ASXL1: variants seen among roughly 807,000 people sequenced by gnomAD.
ASXL1 encodes polycomb group protein ASXL1.
ASXL1 carries 65 observed loss-of-function variants against 89.1 expected under a neutral mutation model. That is an observed-to-expected ratio of 0.73 (90% CI 0.60 to 0.90). The LOEUF (loss-of-function observed/expected upper bound fraction) is 0.90. ASXL1 is among the 40% of genes least tolerant of loss of function. The pLI is 0.00. For synonymous variants in ASXL1, 739 were observed against 746.9 expected (o/e 0.99, Z 0.17); for missense variants, 1,786 against 1,942.9 (o/e 0.92, Z 1.52).
At chr20:32,411,836 C>A (rs898088499) in intron 4 of ASXL1, among the ~76,000 whole-genome samples, 12 of 152,182 alleles carry the variant, frequency 7.9e-5, no homozygotes, top group African/African-American at 2.9e-4. Flanking sequence ...TTATGCCCAG[C>A]CCTACCCATG....
At chr20:32,358,922 C>T in intron 1 of ASXL1, 90 bp downstream of exon 1, 2 of 1,308,278 alleles carry the variant, frequency 1.5e-6, no homozygotes, top group Non-Finnish European at 2.0e-6. Context: ...GGGGCAAGGC[C>T]CTGCCCACCG....
chr20:32,359,031 G>A (rs1350007549), intron 1 of ASXL1, 199 bp downstream of exon 1: 3 of 613,814 alleles, frequency 4.9e-6, no homozygotes, highest in Admixed American at 6.2e-5. Context: ...GCCTTTTTCC[G>A]CTCGCCCTCG....
At chr20:32,408,540 G>T (rs374428571) in intron 4 of ASXL1, among the ~76,000 whole-genome samples, 214 of 152,140 alleles carry the variant, frequency 1.4e-3, no homozygotes, top group African/African-American at 4.9e-3. Flanking sequence ...GACTGCTTTT[G>T]GTTCTTTGCA....
intron 12 of ASXL1, 177 bp downstream of exon 12, chr20:32,434,094 C>T (rs746148206): frequency 5.7e-5 from 54 of 945,952 alleles, no homozygotes; most frequent in Non-Finnish European, 7.6e-5. Context: ...TTTTCTTCCT[C>T]ACTTTTTTGT....
intron 4 of ASXL1, among the ~76,000 whole-genome samples, chr20:32,389,827 C>G (rs2048641454): frequency 6.6e-6 from 1 of 152,212 alleles, no homozygotes; most frequent in Admixed American, 6.5e-5. Flanking sequence ...CTTGGCCTCC[C>G]CAAGTGTTGG....
Position 32,428,190 on chromosome 20 carries a change from G to T in ASXL1, c.315G>T (p.Thr105=). Residue 105 remains threonine, a synonymous_variant, in exon 5 of 13, where the codon ACG becomes ACT. Coordinates refer to ENST00000375687, the MANE Select transcript of ASXL1 (RefSeq NM_015338.6). ...TGGAGGGAGAGGAGCCAGAGGACAC[G>T]GCTGATGTGGAGAGCTGTGGGTCTA... ...ATVEGEEPED[T]ADVESCGSNE... The T allele has an allele frequency of 6.2e-7, 1 of 1,614,132 alleles. No individual in the cohort carries two copies. Among genetic ancestry groups the T allele is most frequent in the Non-Finnish European group, 8.5e-7 (1 of 1,180,026 alleles).
chr20:32,411,215 C>CTTTTTT (rs71187118), intron 4 of ASXL1, among the ~76,000 whole-genome samples: 4 of 53,394 alleles, frequency 7.5e-5, no homozygotes, highest in South Asian at 1.1e-3. Flanking sequence ...TTTATGGATT[C>CTTTTTT]TTTTTTTTTT....
At chr20:32,431,510 C>G in intron 9 of ASXL1, 26 bp downstream of exon 9, 3 of 1,614,074 alleles carry the variant, frequency 1.9e-6, no homozygotes, top group Non-Finnish European at 2.5e-6. Flanking sequence ...CTCCCCTTTG[C>G]CTCTCTCTGG....
At position 32,437,623 on chromosome 20, in the gene ASXL1, G is replaced by C. The variant is rs55805951; in HGVS notation, c.*285G>C. ...GGCACGGAGTGGGGTTGCGGGGGGT[G>C]GGGGGACTGCCTGACTCCCAGAGGG... On this transcript the variant is annotated 3_prime_UTR_variant, in exon 13 of 13. Transcript: ENST00000375687. 6.1e-3 allele frequency: 2,940 copies of C among 484,080 alleles called. 17 individuals are homozygous for C. Among genetic ancestry groups the C allele is most frequent in the Non-Finnish European group, 9.0e-3 (2,430 of 268,914 alleles). The allele number at this position is 484,080 out of a possible 1,614,324, so 30.0% of individuals were successfully genotyped here.
At chr20:32,423,555 TTATTTATG>T (rs1415188115) in intron 4 of ASXL1, among the ~76,000 whole-genome samples, 2 of 151,488 alleles carry the variant, frequency 1.3e-5, no homozygotes, top group Admixed American at 6.6e-5. Context: ...ATTTATTTAT[TTATTTATG>T]TATTTGAGAT....
In ASXL1 at chr20:32,434,745, G is replaced by A; in HGVS notation, c.2033G>A (p.Arg678Lys). ...GAGGCCTGTGGCCACCCTGAGCCCAGGGGAGGCCCGAGCACCCCTGGAAAG... is the reference window on the plus strand; with the variant it reads ...GAGGCCTGTGGCCACCCTGAGCCCAAGGGAGGCCCGAGCACCCCTGGAAAG... ...GGEACGHPEP[R>K]GGPSTPGKCT... The change falls in exon 13 of 13, where the codon AGG (arginine) becomes AAG (lysine). Residue 678 changes from arginine to lysine, a missense_variant. Arg to Lys is a conservative substitution (Grantham distance 26). This residue lies in a region of ASXL1 where 1,418 missense variants were observed against 1,427.8 expected (regional missense o/e 0.99). Coordinates refer to ENST00000375687, the MANE Select transcript of ASXL1 (RefSeq NM_015338.6). 1 of 1,613,174 alleles carries A rather than the reference G, an allele frequency of 6.2e-7. No individual in the cohort carries two copies.
Position 32,427,941 on chromosome 20 carries a change from GTATC to G in ASXL1, c.253-184_253-181del, listed in dbSNP as rs2011376565. 7.7e-6 allele frequency: 6 copies of G among 779,490 alleles called. No individual in the cohort carries two copies. The East Asian group carries it at 1.7e-4, about 23-fold the overall frequency. 48.3% of individuals were successfully genotyped at this position (779,490 alleles called of 1,614,324 possible). A position where few individuals can be genotyped will look rare whatever the true frequency, so the allele number is the denominator to read the frequency against. On this transcript the variant is annotated intron_variant, in intron 4 of 12. Transcript: ENST00000375687. Reference sequence around the variant, plus strand: ...TTAATGAATGTTTGAATGCAAAAGTGTATCTAACTTTCTTAATGATATATTTATG... The same window carrying G: ...TTAATGAATGTTTGAATGCAAAAGTGTAACTTTCTTAATGATATATTTATG...
Position 32,358,746 on chromosome 20 carries a change from G to C in ASXL1, c.-30G>C. On this transcript the variant is annotated 5_prime_UTR_variant, in exon 1 of 13. Transcript: ENST00000375687. ...AGCCCGCCCAGCCCGGAGGTCCCGC[G>C]TGGAGCTGCCGCCGCCGCCGGGGAG... 8.1e-7 allele frequency: 1 copy of C among 1,234,082 alleles called. No individual in the cohort carries two copies. The highest frequency in any genetic ancestry group is 1.1e-6 in the Non-Finnish European group (1 of 917,282). The allele number at this position is 1,234,082 out of a possible 1,614,324, so 76.4% of individuals were successfully genotyped here.
chr20:32,411,878 A>G (rs1298625556), intron 4 of ASXL1, among the ~76,000 whole-genome samples: 1 of 152,108 alleles, frequency 6.6e-6, no homozygotes, highest in Non-Finnish European at 1.5e-5. Flanking sequence ...TTATAATCTT[A>G]CTATCATTTT....
intron 4 of ASXL1, among the ~76,000 whole-genome samples, chr20:32,422,943 A>C (rs1391814537): frequency 6.6e-6 from 1 of 152,084 alleles, no homozygotes; most frequent in Non-Finnish European, 1.5e-5. Context: ...ATTTTTTTAA[A>C]AGCTTCATGA....
intron 3 of ASXL1, among the ~76,000 whole-genome samples, chr20:32,368,081 A>G (rs939280198): frequency 6.6e-6 from 1 of 152,172 alleles, no homozygotes; most frequent in Non-Finnish European, 1.5e-5. Context: ...AACACTGCAT[A>G]AATTAGGGCT....
At chr20:32,364,841 C>G (rs144088433) in intron 1 of ASXL1, among the ~76,000 whole-genome samples, 3 of 152,126 alleles carry the variant, frequency 2.0e-5, no homozygotes, top group African/African-American at 7.2e-5. Flanking sequence ...GCACAAGGTA[C>G]GTGTTCCATG....
At position 32,437,110 on chromosome 20, in the gene ASXL1, C is replaced by G. The variant is rs1265545756; in HGVS notation, c.4398C>G (p.Gly1466=). 1.9e-6 allele frequency: 3 copies of G among 1,614,220 alleles called. No homozygotes were observed. The highest frequency in any genetic ancestry group is 8.5e-7 in the Non-Finnish European group (1 of 1,180,046). The change falls in exon 13 of 13, where the codon GGC becomes GGG. Residue 1466 remains glycine (G), a synonymous_variant. Coordinates refer to ENST00000375687, the MANE Select transcript of ASXL1 (RefSeq NM_015338.6). ...YSSSSPTFPK[G]LAGSVVQLSH... ...CTAGCTCTCCCACCTTTCCCAAAGG[C>G]CTTGCTGGAAGTGTGGTGCAGCTGA... is the stretch of plus-strand genomic sequence containing the variant.
chr20:32,437,398 CT>C lies in ASXL1; in HGVS notation c.*62del. On this transcript the variant is annotated 3_prime_UTR_variant, in exon 13 of 13. Transcript: ENST00000375687. Reference sequence around the variant, plus strand: ...TGTGTGTATTTTGATAATGATTGATCTTAAATCTGTATACAGAATATCATTG... The same window carrying C: ...TGTGTGTATTTTGATAATGATTGATCTAAATCTGTATACAGAATATCATTG... 6.3e-7 allele frequency: 1 copy of C among 1,588,430 alleles called. No homozygotes were observed. The highest frequency in any genetic ancestry group is 8.6e-7 in the Non-Finnish European group (1 of 1,157,376).
Sources: gnomAD v4.1 joint callset for allele counts (sites outside exome capture counted in the v4.1 genomes callset) on GRCh38, gnomAD v4.1.1 for gene constraint, gnomAD v4.1.1 regional missense constraint, MANE v1.5 for transcripts, NCBI Gene and HGNC (gene_info 2026-07-23, HGNC 2026-07-21) for gene names.